The following COMMD1 variants were observed in gnomAD, a reference collection of about 807,000 sequenced individuals.
The protein encoded by COMMD1 is COMM domain-containing protein 1.
A neutral mutation model predicts 17.2 loss-of-function variants in COMMD1; 10 were observed. That is an observed-to-expected ratio of 0.58 (90% CI 0.36 to 0.99). The LOEUF is 0.99. Ranked by LOEUF, COMMD1 falls within the 50% of genes least tolerant of loss-of-function variation. The pLI is 0.01. For missense variants in COMMD1, 270 were observed against 231.8 expected (o/e 1.17, Z -1.07); for synonymous variants, 97 against 91.6 (o/e 1.06, Z -0.34).
intron 1 of COMMD1, among the ~76,000 whole-genome samples, chr2:61,927,851 G>A (rs1670368321): frequency 6.6e-6 from 1 of 151,944 alleles, no homozygotes; most frequent in Non-Finnish European, 1.5e-5. Context: ...TGCAACTTCT[G>A]CCTCCTGGGT....
intron 2 of COMMD1, among the ~76,000 whole-genome samples, chr2:62,019,593 C>A (rs1456768015): frequency 6.6e-6 from 1 of 152,120 alleles, no homozygotes; most frequent in Non-Finnish European, 1.5e-5. Flanking sequence ...AAGTTTCTAA[C>A]ACATGAATTT....
At chr2:61,971,376 C>T (rs935436714) in intron 1 of COMMD1, among the ~76,000 whole-genome samples, 1 of 151,940 alleles carries the variant, frequency 6.6e-6, no homozygotes, top group Non-Finnish European at 1.5e-5. Context: ...AAGATGGGCA[C>T]GTAAAAGAAA....
chr2:61,929,077 T>C (rs1348833024), intron 1 of COMMD1, among the ~76,000 whole-genome samples: 1 of 152,216 alleles, frequency 6.6e-6, no homozygotes, highest in Non-Finnish European at 1.5e-5. Flanking sequence ...CCAGAGTTAT[T>C]ATCAGTTCAT....
At chr2:62,085,124 A>C (rs1671622520) in intron 2 of COMMD1, among the ~76,000 whole-genome samples, 1 of 152,222 alleles carries the variant, frequency 6.6e-6, no homozygotes, top group East Asian at 1.9e-4. Flanking sequence ...GTTAAAATCA[A>C]AGGTGGGGAC....
chr2:61,927,195 C>T (rs1558524255), intron 1 of COMMD1, among the ~76,000 whole-genome samples: 1 of 152,198 alleles, frequency 6.6e-6, no homozygotes, highest in Non-Finnish European at 1.5e-5. Context: ...GACTACTTAA[C>T]ATCAGGTTAC....
chr2:62,120,481 T>C (rs1672714669), intron 2 of COMMD1, among the ~76,000 whole-genome samples: 1 of 152,206 alleles, frequency 6.6e-6, no homozygotes, highest in Admixed American at 6.5e-5. Context: ...TTTAATGTGC[T>C]AAGAGTTTTG....
At chr2:62,036,993 G>C (rs1387564207) in intron 2 of COMMD1, among the ~76,000 whole-genome samples, 1 of 152,158 alleles carries the variant, frequency 6.6e-6, no homozygotes, top group Admixed American at 6.6e-5. Flanking sequence ...TTGCATTCAA[G>C]TATATTTACT....
At chr2:61,897,755 A>G (rs941857739) in intron 1 of COMMD1, among the ~76,000 whole-genome samples, 2 of 152,156 alleles carry the variant, frequency 1.3e-5, no homozygotes, top group African/African-American at 4.8e-5. Flanking sequence ...GTCTTTAAAA[A>G]AAATATATAT....
chr2:62,011,472 T>C (rs1355313216), intron 2 of COMMD1, among the ~76,000 whole-genome samples: 1 of 152,258 alleles, frequency 6.6e-6, no homozygotes, highest in African/African-American at 2.4e-5. Context: ...ATCTTGTCAG[T>C]GCTCCAGATT....
At chr2:62,018,302 G>A (rs1558564364) in intron 2 of COMMD1, among the ~76,000 whole-genome samples, 1 of 152,156 alleles carries the variant, frequency 6.6e-6, no homozygotes, top group Admixed American at 6.5e-5. Context: ...TTCACCAAAG[G>A]AATTAGGCAT....
At chr2:62,058,767 C>T (rs1043700604) in intron 2 of COMMD1, among the ~76,000 whole-genome samples, 1 of 151,886 alleles carries the variant, frequency 6.6e-6, no homozygotes, top group African/African-American at 2.4e-5. Flanking sequence ...TATTAAATAA[C>T]AACACATTTT....
chr2:61,935,279 T>A (rs1386701870), intron 1 of COMMD1, among the ~76,000 whole-genome samples: 2 of 152,168 alleles, frequency 1.3e-5, no homozygotes, highest in East Asian at 3.8e-4. Context: ...CAGAGACAAA[T>A]AACAGAACTA....
At chr2:61,906,637 G>A (rs1669779061) in intron 1 of COMMD1, among the ~76,000 whole-genome samples, 1 of 137,832 alleles carries the variant, frequency 7.3e-6, no homozygotes, top group Non-Finnish European at 1.5e-5. Context: ...TAGGAATGTA[G>A]TGTCAATGTA....
At chr2:62,045,602 A>G (rs536858648) in intron 2 of COMMD1, among the ~76,000 whole-genome samples, 112 of 146,600 alleles carry the variant, frequency 7.6e-4, no homozygotes, top group Non-Finnish European at 1.5e-3. Context: ...GGGTTTCACT[A>G]TGTTGGCCAG....
intron 2 of COMMD1, among the ~76,000 whole-genome samples, chr2:62,101,179 G>GT (rs1165245253): frequency 1.3e-5 from 2 of 151,904 alleles, no homozygotes; most frequent in Admixed American, 6.6e-5. Flanking sequence ...AAAAGTATAG[G>GT]TTTTTTCTCC....
chr2:62,129,543 A>C (rs11678889), intron 2 of COMMD1, among the ~76,000 whole-genome samples: 1 of 151,990 alleles, frequency 6.6e-6, no homozygotes, highest in East Asian at 1.9e-4. Flanking sequence ...TGATAATTGT[A>C]AGAAAGCCAC....
intron 2 of COMMD1, among the ~76,000 whole-genome samples, chr2:62,078,645 G>A (rs1671423224): frequency 6.6e-6 from 1 of 151,400 alleles, no homozygotes; most frequent in African/African-American, 2.4e-5. Context: ...GAGGTGGGTG[G>A]ATCACAAGGT....
chr2:62,130,327 T>G (rs1341017462), intron 2 of COMMD1, among the ~76,000 whole-genome samples: 1 of 150,244 alleles, frequency 6.7e-6, no homozygotes, highest in Non-Finnish European at 1.5e-5. Context: ...CAGGCTGGAG[T>G]GCAGTGGCGC....
At chr2:61,921,952 A>G (rs1004148838) in intron 1 of COMMD1, among the ~76,000 whole-genome samples, 1 of 152,180 alleles carries the variant, frequency 6.6e-6, no homozygotes, top group African/African-American at 2.4e-5. Context: ...TTTTTCCAGG[A>G]CCACTAGTAA....
Sources: allele counts gnomAD v4.1 joint callset (sites outside exome capture counted in the v4.1 genomes callset), GRCh38; gene constraint gnomAD v4.1.1; transcripts MANE v1.5; gene names NCBI Gene and HGNC (gene_info 2026-07-23, HGNC 2026-07-21).